Variants in ZNF66 observed in about 807,000 individuals in gnomAD.
ZNF66 encodes the protein zinc finger protein 66.
ZNF66 carries 32 observed loss-of-function variants against 35.2 expected under a neutral mutation model. The ratio of observed to expected loss-of-function variants is 0.91; its 90% CI spans 0.69 to 1.22. ZNF66 has a LOEUF of 1.22. ZNF66 is among the 50% of genes most tolerant of loss of function. The pLI, the probability that ZNF66 is intolerant of heterozygous loss-of-function variation, is 0.00. For missense variants in ZNF66, 666 were observed against 543.1 expected, an observed-to-expected ratio of 1.23 and a Z score of -2.25; for synonymous variants, 231 against 181.3, an observed-to-expected ratio of 1.27 and a Z score of -2.20.
Position 20,807,129 on chromosome 19 carries a change from A to G in ZNF66, c.1529A>G (p.Lys510Arg). ...KRIHTADKPY[K>R]CEECGKDFKY... Reference sequence around the variant, plus strand: ...ATTCATACTGCAGATAAACCCTACAAATGTGAAGAATGTGGCAAAGACTTT... The same window carrying G: ...ATTCATACTGCAGATAAACCCTACAGATGTGAAGAATGTGGCAAAGACTTT... Residue 510 changes from lysine (K) to arginine (R), a missense_variant, in exon 4 of 4, where the codon AAA becomes AGA. By Grantham distance (26) the Lys-to-Arg change is conservative (BLOSUM62 2). Transcript: ENST00000344519. 1.3e-6 allele frequency: 1 copy of G among 794,926 alleles called. No individual in the cohort carries two copies. The highest frequency in any genetic ancestry group is 2.2e-6 in the Non-Finnish European group (1 of 446,814). The allele number at this position is 794,926 out of a possible 1,614,324, so 49.2% of individuals were successfully genotyped here.
intron 1 of ZNF66, among the ~76,000 whole-genome samples, chr19:20,778,288 G>C (rs923856663): frequency 6.6e-6 from 1 of 152,032 alleles, no homozygotes; most frequent in Admixed American, 6.6e-5. Flanking sequence ...TTTTAGTAGA[G>C]ACAGGGTTTC....
chr19:20,804,886 C>T (rs561807997), intron 3 of ZNF66, among the ~76,000 whole-genome samples: 1 of 152,062 alleles, frequency 6.6e-6, no homozygotes, highest in Admixed American at 6.6e-5. Context: ...AGACTTATTC[C>T]CTGTTTGGGG....
rs1389102117 is a variant in ZNF66, at chr19:20,778,370, G to A, written c.3+1920G>A. ...CCACCTTGGCCTTCCAAAGTGTTGG[G>A]ATTAGAGGCGTGAGCCACAGTGCCC... On this transcript the variant is annotated intron_variant, in intron 1 of 3. Transcript: ENST00000344519. Among the ~76,000 whole-genome samples, 4 of 152,182 alleles carry A rather than the reference G, an allele frequency of 2.6e-5. No individual in the cohort carries two copies. In the East Asian group the frequency reaches 7.7e-4, roughly 29 times the overall value.
At chr19:20,802,152 T>C (rs1971453918) in intron 3 of ZNF66, among the ~76,000 whole-genome samples, 1 of 152,184 alleles carries the variant, frequency 6.6e-6, no homozygotes, top group South Asian at 2.1e-4. Context: ...AAATCAGAAA[T>C]GGTAATGCCT....
At chr19:20,780,684 A>G (rs1971237680) in intron 1 of ZNF66, among the ~76,000 whole-genome samples, 1 of 152,090 alleles carries the variant, frequency 6.6e-6, no homozygotes, top group South Asian at 2.1e-4. Flanking sequence ...ATTTGGTGCC[A>G]GAAAAAAGAT....
rs1235277529 is a variant in ZNF66 at position 20,776,442 on chromosome 19, C to T, written c.-6C>T. 6.4e-7 allele frequency: 1 copy of T among 1,559,266 alleles called. No homozygotes were observed. The highest frequency in any genetic ancestry group is 8.8e-7 in the Non-Finnish European group (1 of 1,132,104). ...TAAGACGCCAGGACCCCCTGGAAGC[C>T]TAGAAATGGTGAGAGTGCCGGTCCA... On this transcript the variant is annotated 5_prime_UTR_variant, in exon 1 of 4. Transcript: ENST00000344519.
chr19:20,806,839 T>C lies in ZNF66; in HGVS notation c.1239T>C (p.Ser413=). The C allele has an allele frequency of 7.4e-7, 1 of 1,348,302 alleles. No individual in the cohort carries two copies. The highest frequency in any genetic ancestry group is 1.1e-6 in the Non-Finnish European group (1 of 940,390). The allele number at this position is 1,348,302 out of a possible 1,614,324, so 83.5% of individuals were successfully genotyped here. A position where few individuals can be genotyped will look rare whatever the true frequency, so the allele number is the denominator to read the frequency against. Reference sequence around the variant, plus strand: ...TGTTTAAGCACTCCTCTCCCCTTTCTAAACATAAGAGAATTCATACTGGAG... The same window carrying C: ...TGTTTAAGCACTCCTCTCCCCTTTCCAAACATAAGAGAATTCATACTGGAG... ...GKVFKHSSPL[S]KHKRIHTGEK... is the part of the protein sequence containing the mutation. Residue 413 remains serine (S), a synonymous_variant, in exon 4 of 4, where the codon TCT becomes TCC. Transcript: ENST00000344519.
intron 1 of ZNF66, among the ~76,000 whole-genome samples, chr19:20,779,938 A>C (rs1971230814): frequency 6.6e-6 from 1 of 151,726 alleles, no homozygotes; most frequent in South Asian, 2.1e-4. Flanking sequence ...CAAAAAAAAA[A>C]AAAAAACACC....
chr19:20,796,201 C>A (rs1971390669), intron 3 of ZNF66, among the ~76,000 whole-genome samples: 1 of 151,422 alleles, frequency 6.6e-6, no homozygotes, highest in Admixed American at 6.6e-5. Context: ...CTCATAAAGG[C>A]ATTTTTGTCA....
Position 20,808,971 on chromosome 19 carries a change from A to T in ZNF66, c.*1649A>T, listed in dbSNP as rs570533236. 4.3e-4 allele frequency among the ~76,000 whole-genome samples: 65 copies of T among 152,188 alleles called. No homozygotes were observed. The highest frequency in any genetic ancestry group is 3.4e-3 in the Middle Eastern group (1 of 294). ...GACGAATGTATAACTAGAATAACCA[A>T]TGCAGAGAAATGCTTAAAGGAGCTG... On this transcript the variant is annotated 3_prime_UTR_variant, in exon 4 of 4. Coordinates refer to ENST00000344519, the MANE Select transcript of ZNF66 (RefSeq NM_001355197.2).
At chr19:20,787,429 G>A (rs2144897111) in intron 1 of ZNF66, among the ~76,000 whole-genome samples, 1 of 152,316 alleles carries the variant, frequency 6.6e-6, no homozygotes, top group South Asian at 2.1e-4. Context: ...AGGATGCAGA[G>A]CCAGGTTGAT....
Position 20,808,586 on chromosome 19 carries a change from C to G in ZNF66, c.*1264C>G, listed in dbSNP as rs112735490. On this transcript the variant is annotated 3_prime_UTR_variant, in exon 4 of 4. Coordinates refer to ENST00000344519, the MANE Select transcript of ZNF66 (RefSeq NM_001355197.2). ...CTGATGCTGATACCCAGGCAAACAG[C>G]GTCTGGAGTGGACCTCTAGCAAACT... Among the ~76,000 whole-genome samples the G allele has an allele frequency of 6.6e-6, 1 of 152,056 alleles. No homozygotes were observed. Among genetic ancestry groups the G allele is most frequent in the African/African-American group, 2.4e-5 (1 of 41,404 alleles).
intron 1 of ZNF66, among the ~76,000 whole-genome samples, chr19:20,778,059 A>C (rs1971212044): frequency 6.6e-6 from 1 of 152,258 alleles, no homozygotes; most frequent in Admixed American, 6.5e-5. Context: ...GGTACCTTCT[A>C]GAAGTGTTCC....
At chr19:20,777,854 GA>G (rs1255642020) in intron 1 of ZNF66, among the ~76,000 whole-genome samples, 8 of 152,078 alleles carry the variant, frequency 5.3e-5, no homozygotes, top group African/African-American at 1.9e-4. Flanking sequence ...AGTTACCAAG[GA>G]AAAATATAGG....
chr19:20,808,993 G>C lies in ZNF66; in HGVS notation c.*1671G>C, dbSNP rs7507509. ...CCAATGCAGAGAAATGCTTAAAGGA[G>C]CTGATGGAGCTGAAAGCCAAGGATC... On this transcript the variant is annotated 3_prime_UTR_variant, in exon 4 of 4. Transcript: ENST00000344519. 0.092 allele frequency among the ~76,000 whole-genome samples: 13,890 copies of C among 151,740 alleles called. 651 individuals are homozygous for C. Among genetic ancestry groups the C allele is most frequent in the Middle Eastern group, 0.11 (32 of 292 alleles).
rs754098917 is a variant in ZNF66, at chr19:20,807,133, T to C, written c.1533T>C (p.Cys511=). The C allele has an allele frequency of 3.5e-5, 28 of 796,852 alleles. No individual in the cohort carries two copies. The African/African-American group carries it at 4.4e-4, about 13-fold the overall frequency. The allele number at this position is 796,852 out of a possible 1,614,324, so 49.4% of individuals were successfully genotyped here. A position where few individuals can be genotyped will look rare whatever the true frequency, so the allele number is the denominator to read the frequency against. Residue 511 remains cysteine (C), a synonymous_variant, in exon 4 of 4, where the codon TGT becomes TGC. Coordinates refer to ENST00000344519, the MANE Select transcript of ZNF66 (RefSeq NM_001355197.2). ...ATACTGCAGATAAACCCTACAAATG[T>C]GAAGAATGTGGCAAAGACTTTAAGT... ...RIHTADKPYK[C]EECGKDFKYS...
At position 20,805,852 on chromosome 19, in the gene ZNF66, C is replaced by A. The variant is rs562444586; in HGVS notation, c.252C>A (p.Asp84Glu). 2 of 593,892 alleles carry A rather than the reference C, an allele frequency of 3.4e-6. No individual in the cohort carries two copies. The highest frequency in any genetic ancestry group is 5.4e-5 in the East Asian group (2 of 36,804). The allele number at this position is 593,892 out of a possible 1,614,324, so 36.8% of individuals were successfully genotyped here. ...TTTTGTGTTCTCATTTTAACCAAGACCTTTGGCCAGAGCAGAGCATAAAAG... is the reference window on the plus strand; with the variant it reads ...TTTTGTGTTCTCATTTTAACCAAGAACTTTGGCCAGAGCAGAGCATAAAAG... ...PSVLCSHFNQ[D>E]LWPEQSIKDS... Residue 84 changes from aspartate (D) to glutamate (E), a missense_variant, in exon 4 of 4, where the codon GAC becomes GAA. Physicochemically the swap from Asp to Glu is conservative, Grantham distance 45. Transcript: ENST00000344519.
rs555514967 is a variant in ZNF66, at chr19:20,799,850, T to C, written c.226+5972T>C. Reference sequence around the variant, plus strand: ...CATAGCTTTTAACTGTAGGTTGTATTGACATCTTTGAAAAATAAAATTTGT... The same window carrying C: ...CATAGCTTTTAACTGTAGGTTGTATCGACATCTTTGAAAAATAAAATTTGT... On this transcript the variant is annotated intron_variant, in intron 3 of 3. Coordinates refer to ENST00000344519, the MANE Select transcript of ZNF66 (RefSeq NM_001355197.2). 3.3e-5 allele frequency among the ~76,000 whole-genome samples: 5 copies of C among 152,352 alleles called. No homozygotes were observed. In the South Asian group the frequency reaches 1.0e-3, roughly 32 times the overall value.
intron 1 of ZNF66, among the ~76,000 whole-genome samples, chr19:20,782,999 GTTTAA>G (rs991222893): frequency 1.3e-5 from 2 of 152,002 alleles, no homozygotes; most frequent in African/African-American, 4.8e-5. Context: ...ACATTTAAGT[GTTTAA>G]TTTATCTTGA....
Sources: gnomAD v4.1 joint callset for allele counts (sites outside exome capture counted in the v4.1 genomes callset) on GRCh38, gnomAD v4.1.1 for gene constraint, MANE v1.5 for transcripts, NCBI Gene and HGNC (gene_info 2026-07-23, HGNC 2026-07-21) for gene names.